Variants in NPR3 observed in about 807,000 individuals in gnomAD.
NPR3 encodes the protein natriuretic peptide receptor 3.
NPR3 carries 34 observed loss-of-function variants against 54.5 expected under a neutral mutation model. The observed-to-expected ratio is 0.62, with a 90% CI of 0.47 to 0.83. NPR3 has a LOEUF of 0.83. Ranked by LOEUF, NPR3 falls within the 40% of genes least tolerant of loss-of-function variation. The pLI, the probability that NPR3 is intolerant of heterozygous loss-of-function variation, is 0.00. For synonymous variants in NPR3, 289 were observed against 297.1 expected (o/e 0.97, Z 0.28); for missense variants, 674 against 720.8 (o/e 0.94, Z 0.74).
intron 3 of NPR3, among the ~76,000 whole-genome samples, chr5:32,747,404 TTTA>T (rs1374826113): frequency 6.6e-6 from 1 of 152,184 alleles, no homozygotes; most frequent in Non-Finnish European, 1.5e-5. Flanking sequence ...ATTCAGAGCT[TTTA>T]TTATTATGAC....
At chr5:32,770,998 C>T (rs1408599224) in intron 3 of NPR3, among the ~76,000 whole-genome samples, 1 of 151,638 alleles carries the variant, frequency 6.6e-6, no homozygotes, top group East Asian at 1.9e-4. Context: ...GACCTTGTTC[C>T]TTTCAGCCTG....
At chr5:32,776,629 G>C (rs1051616287) in intron 4 of NPR3, among the ~76,000 whole-genome samples, 6 of 152,124 alleles carry the variant, frequency 3.9e-5, no homozygotes, top group Non-Finnish European at 5.9e-5. Flanking sequence ...CACTGCAGGA[G>C]CCTTGCAGAT....
chr5:32,779,184 C>G (rs555071927), intron 4 of NPR3, among the ~76,000 whole-genome samples: 1 of 152,152 alleles, frequency 6.6e-6, no homozygotes, highest in African/African-American at 2.4e-5. Flanking sequence ...CCTTGGGATC[C>G]TTTTTCCCAG....
At chr5:32,725,435 G>A (rs1170610598) in intron 2 of NPR3, among the ~76,000 whole-genome samples, 1 of 152,172 alleles carries the variant, frequency 6.6e-6, no homozygotes, top group Non-Finnish European at 1.5e-5. Flanking sequence ...GGAGCAAAAA[G>A]ATATCATGTA....
At position 32,786,623 on chromosome 5, in the gene NPR3, T is replaced by C. The variant is rs1292584042; in HGVS notation, c.*278T>C. 3 of 339,142 alleles carry C rather than the reference T, an allele frequency of 8.8e-6. No individual in the cohort carries two copies. Among genetic ancestry groups the C allele is most frequent in the Non-Finnish European group, 1.6e-5 (3 of 191,448 alleles). The allele number at this position is 339,142 out of a possible 1,614,324, so 21.0% of individuals were successfully genotyped here. ...AGCCCATATGATTAGATTTATGTTT[T>C]TAAAATCTGTTGTCTCCATATCTTG... On this transcript the variant is annotated 3_prime_UTR_variant, in exon 8 of 8. Coordinates refer to ENST00000265074, the MANE Select transcript of NPR3 (RefSeq NM_001204375.2).
At chr5:32,772,824 A>T (rs1741841005) in intron 3 of NPR3, among the ~76,000 whole-genome samples, 1 of 152,172 alleles carries the variant, frequency 6.6e-6, no homozygotes, top group Admixed American at 6.5e-5. Context: ...GGTACTGTTA[A>T]TTTTTCTCAT....
rs1244353418 is a variant in NPR3 at position 32,789,304 on chromosome 5, G to A, written c.*2959G>A. 1 of 429,966 alleles carries A rather than the reference G, an allele frequency of 2.3e-6. No homozygotes were observed. Among genetic ancestry groups the A allele is most frequent in the Non-Finnish European group, 4.7e-6 (1 of 214,524 alleles). 26.6% of individuals were successfully genotyped at this position (429,966 alleles called of 1,614,324 possible). A position where few individuals can be genotyped will look rare whatever the true frequency, so the allele number is the denominator to read the frequency against. ...TTTTTGGGTAGGGGGGCCAGGTAGG[G>A]GGAGACTCAGAAATAAAAGCGTTCC... On this transcript the variant is annotated 3_prime_UTR_variant, in exon 8 of 8. Transcript: ENST00000265074.
At chr5:32,747,841 C>T (rs1371275750) in intron 3 of NPR3, among the ~76,000 whole-genome samples, 1 of 151,740 alleles carries the variant, frequency 6.6e-6, no homozygotes, top group African/African-American at 2.4e-5. Flanking sequence ...CTGCAACCTC[C>T]ACCTCCTGTG....
At chr5:32,729,035 G>GTTTTTT (rs57033344) in intron 2 of NPR3, among the ~76,000 whole-genome samples, 3 of 79,608 alleles carry the variant, frequency 3.8e-5, no homozygotes, top group African/African-American at 5.2e-5. Flanking sequence ...TTTTTGTTTT[G>GTTTTTT]TTTTTTTTTT....
intron 4 of NPR3, among the ~76,000 whole-genome samples, chr5:32,779,228 GAGAGAACCAAATC>G (rs200334716): frequency 0.02 from 3,099 of 152,272 alleles, 55 homozygotes; most frequent in Middle Eastern, 0.054. Context: ...AGTACCTCCA[GAGAGAACCAAATC>G]AGAGAACCAA....
intron 2 of NPR3, among the ~76,000 whole-genome samples, chr5:32,728,563 T>C (rs1402463376): frequency 6.6e-6 from 1 of 151,748 alleles, no homozygotes; most frequent in Non-Finnish European, 1.5e-5. Flanking sequence ...ATACTTTCCA[T>C]TGTTTTCCAT....
At chr5:32,735,063 C>G (rs894484866) in intron 2 of NPR3, among the ~76,000 whole-genome samples, 2 of 152,146 alleles carry the variant, frequency 1.3e-5, no homozygotes, top group African/African-American at 4.8e-5. Context: ...GGCGAGGCAG[C>G]CCCTGGTTTC....
intron 1 of NPR3, among the ~76,000 whole-genome samples, chr5:32,703,010 C>A (rs1369890618): frequency 6.6e-6 from 1 of 152,146 alleles, no homozygotes; most frequent in Non-Finnish European, 1.5e-5. Flanking sequence ...CTCTGATGGC[C>A]AGTGATGGTG....
intron 3 of NPR3, among the ~76,000 whole-genome samples, chr5:32,760,680 T>A (rs952062111): frequency 2.9e-4 from 44 of 151,542 alleles, no homozygotes; most frequent in African/African-American, 9.4e-4. Context: ...TTTTTTTTTT[T>A]AAATTTAGAT....
intron 6 of NPR3, among the ~76,000 whole-genome samples, chr5:32,783,964 C>T (rs182799972): frequency 2.1e-4 from 32 of 152,326 alleles, no homozygotes; most frequent in African/African-American, 6.3e-4. Context: ...TTTTATATAA[C>T]TGGGATACTA....
chr5:32,786,409 A>C lies in NPR3; in HGVS notation c.*64A>C. On this transcript the variant is annotated 3_prime_UTR_variant, in exon 8 of 8. Coordinates refer to ENST00000265074, the MANE Select transcript of NPR3 (RefSeq NM_001204375.2). ...TTTAAGGAGATAGACGGGTTGAAAG[A>C]CATCAATGAAACAGAAGGGGCGTTC... 1.4e-6 allele frequency: 1 copy of C among 691,598 alleles called. No homozygotes were observed. Among genetic ancestry groups the C allele is most frequent in the Admixed American group, 2.7e-5 (1 of 36,758 alleles). 42.8% of individuals were successfully genotyped at this position (691,598 alleles called of 1,614,324 possible).
At chr5:32,724,254 A>C (rs886421815) in intron 1 of NPR3, among the ~76,000 whole-genome samples, 1 of 152,188 alleles carries the variant, frequency 6.6e-6, no homozygotes, top group African/African-American at 2.4e-5. Context: ...ATCCAGCATC[A>C]CACGTTGCAG....
At chr5:32,716,996 A>ACCCCCCCCCCCCCCCC (rs548182198) in intron 1 of NPR3, among the ~76,000 whole-genome samples, 2 of 109,714 alleles carry the variant, frequency 1.8e-5, no homozygotes, top group East Asian at 3.0e-4. Flanking sequence ...CCATCCCCCA[A>ACCCCCCCCCCCCCCCC]CCCCCCCACC....
chr5:32,696,547 T>C (rs1328571886), intron 1 of NPR3, among the ~76,000 whole-genome samples: 2 of 152,132 alleles, frequency 1.3e-5, no homozygotes. Context: ...AAGAATGTCA[T>C]TGGTATTTTG....
Sources: allele counts gnomAD v4.1 joint callset (sites outside exome capture counted in the v4.1 genomes callset), GRCh38; gene constraint gnomAD v4.1.1; transcripts MANE v1.5; gene names NCBI Gene and HGNC (gene_info 2026-07-23, HGNC 2026-07-21).